Variants in SUMF1 observed in about 807,000 individuals in gnomAD.
The protein encoded by SUMF1 is formylglycine-generating enzyme.
In SUMF1, 48 loss-of-function variants were observed where a neutral mutation model predicts 47.6. The ratio of observed to expected loss-of-function variants is 1.01; its 90% CI spans 0.80 to 1.28. The LOEUF (loss-of-function observed/expected upper bound fraction) is 1.28. SUMF1 is among the 50% of genes most tolerant of loss of function. SUMF1 has a pLI of 0.00. For missense variants in SUMF1, 571 were observed against 485.4 expected, an observed-to-expected ratio of 1.18 and a Z score of -1.66; for synonymous variants, 230 against 192.1, an observed-to-expected ratio of 1.20 and a Z score of -1.63.
intron 8 of SUMF1, among the ~76,000 whole-genome samples, chr3:4,304,676 C>T (rs1171751271): frequency 6.6e-6 from 1 of 152,190 alleles, no homozygotes; most frequent in Non-Finnish European, 1.5e-5. Flanking sequence ...ACCCTATCTG[C>T]CCTTTCTTTT....
chr3:4,456,410 A>G (rs1440282546), intron 1 of SUMF1, among the ~76,000 whole-genome samples: 1 of 151,678 alleles, frequency 6.6e-6, no homozygotes, highest in Non-Finnish European at 1.5e-5. Flanking sequence ...GCTGGAAACA[A>G]AGACGTTATG....
chr3:4,392,329 C>G (rs1033175944), intron 7 of SUMF1, among the ~76,000 whole-genome samples: 2 of 152,012 alleles, frequency 1.3e-5, no homozygotes, highest in African/African-American at 4.8e-5. Flanking sequence ...TTTATAGCAA[C>G]TATTCAAATA....
chr3:4,212,160 A>T (rs1231509083), intron 8 of SUMF1, among the ~76,000 whole-genome samples: 1 of 152,172 alleles, frequency 6.6e-6, no homozygotes, highest in East Asian at 1.9e-4. Flanking sequence ...AGGGGCCGAC[A>T]GACAGCTCAT....
At chr3:4,066,169 G>A (rs1695372070) in intron 9 of SUMF1, among the ~76,000 whole-genome samples, 3 of 151,480 alleles carry the variant, frequency 2.0e-5, no homozygotes, top group South Asian at 4.2e-4. Context: ...ACTCCCCCAG[G>A]AACCCTCCCC....
intron 8 of SUMF1, among the ~76,000 whole-genome samples, chr3:4,151,764 G>A (rs1394936614): frequency 2.6e-5 from 4 of 151,088 alleles, no homozygotes; most frequent in African/African-American, 9.8e-5. Flanking sequence ...AATCTGTGTT[G>A]GGCCACATTC....
At chr3:4,415,177 C>T (rs1205174113) in intron 6 of SUMF1, among the ~76,000 whole-genome samples, 1 of 142,848 alleles carries the variant, frequency 7.0e-6, no homozygotes, top group African/African-American at 2.7e-5. Flanking sequence ...GAGTGAGCCA[C>T]GATCACGCCA....
chr3:4,201,041 T>C lies in SUMF1; in HGVS notation c.1015-132296A>G, dbSNP rs868833501. Among the ~76,000 whole-genome samples the C allele has an allele frequency of 3.3e-5, 5 of 152,240 alleles. No individual in the cohort carries two copies. The South Asian group carries it at 8.3e-4, about 25-fold the overall frequency. ...AGTAAATGTATATATTTATAAGGTA[T>C]ATGAGATATATTGGTATAGGCATAC... On this transcript the variant is annotated intron_variant and NMD_transcript_variant, in intron 8 of 12. Coordinates refer to the SUMF1 transcript ENST00000448413.
intron 8 of SUMF1, among the ~76,000 whole-genome samples, chr3:4,141,253 G>A (rs774847063): frequency 6.6e-6 from 1 of 152,098 alleles, no homozygotes; most frequent in Non-Finnish European, 1.5e-5. Flanking sequence ...CTCCTAATAC[G>A]GAGGTAATCA....
chr3:4,214,709 G>A (rs544647448), intron 8 of SUMF1, among the ~76,000 whole-genome samples: 1 of 151,932 alleles, frequency 6.6e-6, no homozygotes, highest in African/African-American at 2.4e-5. Context: ...AATCATATAG[G>A]GGATATTACC....
At chr3:4,261,824 T>C (rs997097004) in intron 8 of SUMF1, among the ~76,000 whole-genome samples, 32 of 152,222 alleles carry the variant, frequency 2.1e-4, no homozygotes, top group Admixed American at 2.0e-3. Context: ...GTGCCTGCGC[T>C]GCTGGCACCT....
At chr3:4,318,606 G>C (rs1259116256) in intron 8 of SUMF1, among the ~76,000 whole-genome samples, 2 of 152,160 alleles carry the variant, frequency 1.3e-5, no homozygotes, top group African/African-American at 4.8e-5. Flanking sequence ...CAATTAGGCA[G>C]GTAAGAACTT....
chr3:4,434,510 A>G (rs1465692772), intron 3 of SUMF1, among the ~76,000 whole-genome samples: 1 of 152,244 alleles, frequency 6.6e-6, no homozygotes, highest in African/African-American at 2.4e-5. Flanking sequence ...ATTTTCAATT[A>G]TATCAAGCAA....
intron 8 of SUMF1, among the ~76,000 whole-genome samples, chr3:4,339,634 G>C (rs145789571): frequency 2.6e-5 from 4 of 152,278 alleles, no homozygotes; most frequent in Non-Finnish European, 5.9e-5. Flanking sequence ...CCTGGAAAGA[G>C]GTCTTGGGTA....
chr3:4,302,635 T>C (rs1697998472), intron 8 of SUMF1, among the ~76,000 whole-genome samples: 1 of 152,104 alleles, frequency 6.6e-6, no homozygotes, highest in Non-Finnish European at 1.5e-5. Context: ...CAGGTTAACC[T>C]TGGCAGAGAG....
chr3:4,185,180 C>T (rs1237498766), intron 8 of SUMF1, among the ~76,000 whole-genome samples: 2 of 152,148 alleles, frequency 1.3e-5, no homozygotes, highest in Non-Finnish European at 2.9e-5. Flanking sequence ...ATGCAGGCTT[C>T]AGAGGCATAG....
chr3:4,103,765 C>T (rs1219143621), intron 8 of SUMF1, among the ~76,000 whole-genome samples: 1 of 152,070 alleles, frequency 6.6e-6, no homozygotes, highest in Non-Finnish European at 1.5e-5. Context: ...ATGATTACGT[C>T]CTCTCTACAG....
chr3:4,222,416 A>G (rs1191102068), intron 8 of SUMF1, among the ~76,000 whole-genome samples: 1 of 151,976 alleles, frequency 6.6e-6, no homozygotes, highest in Non-Finnish European at 1.5e-5. Context: ...TGAGGGAGGT[A>G]CCAGATGTTT....
At chr3:4,341,501 G>C (rs1003579787) in intron 8 of SUMF1, among the ~76,000 whole-genome samples, 3 of 151,916 alleles carry the variant, frequency 2.0e-5, no homozygotes, top group Non-Finnish European at 4.4e-5. Context: ...AATGGACAAA[G>C]GGTTTTTTGT....
At chr3:4,462,460 G>C (rs1210228596) in intron 1 of SUMF1, among the ~76,000 whole-genome samples, 2 of 152,162 alleles carry the variant, frequency 1.3e-5, no homozygotes, top group Non-Finnish European at 2.9e-5. Flanking sequence ...GGTGTGTCTG[G>C]GGCCATATTT....
Sources: gnomAD v4.1 joint callset for allele counts (sites outside exome capture counted in the v4.1 genomes callset) on GRCh38, gnomAD v4.1.1 for gene constraint, MANE v1.5 for transcripts, NCBI Gene and HGNC (gene_info 2026-07-23, HGNC 2026-07-21) for gene names.